ENTPD1: variants seen among roughly 807,000 people sequenced by gnomAD.
The protein encoded by ENTPD1 is ATP diphosphohydrolase.
A neutral mutation model predicts 57.0 loss-of-function variants in ENTPD1; 33 were observed. The ratio of observed to expected loss-of-function variants is 0.58; its 90% confidence interval spans 0.44 to 0.77. ENTPD1 has a LOEUF of 0.77. Among genes scored for constraint, ENTPD1 ranks in the 30% least tolerant of loss-of-function variants. The pLI is 0.00. For synonymous variants in ENTPD1, 202 were observed against 218.8 expected (o/e 0.92, Z 0.68); for missense variants, 501 against 603.4 (o/e 0.83, Z 1.78).
upstream of ENTPD1, among the ~76,000 whole-genome samples, chr10:95,711,004 G>A (rs531654542): frequency 1.3e-5 from 2 of 152,088 alleles, no homozygotes; most frequent in East Asian, 1.9e-4. Flanking sequence ...AACTGCCCTG[G>A]ATCTTTACTG....
At position 95,871,941 on chromosome 10, in the gene ENTPD1, G is replaced by A. The variant is rs1274162165; in HGVS notation, c.*5558G>A. 1.0e-6 allele frequency: 1 copy of A among 985,254 alleles called. No homozygotes were observed. The highest frequency in any genetic ancestry group is 1.7e-5 in the African/African-American group (1 of 57,226). The allele number at this position is 985,254 out of a possible 1,614,324, so 61.0% of individuals were successfully genotyped here. On this transcript the variant is annotated 3_prime_UTR_variant, in exon 10 of 10. Transcript: ENST00000371205. ...GCTAGTCAGGGAATAGTGTGTATTTGCAATTACCTAAACTGAACTCTACCA... is the reference window on the plus strand; with the variant it reads ...GCTAGTCAGGGAATAGTGTGTATTTACAATTACCTAAACTGAACTCTACCA...
intron 1 of ENTPD1, among the ~76,000 whole-genome samples, chr10:95,781,618 C>T (rs1027831314): frequency 1.1e-4 from 17 of 152,098 alleles, no homozygotes; most frequent in African/African-American, 3.9e-4. Flanking sequence ...ATAAAATCAG[C>T]ATAGGGAGCC....
rs532984241 is a variant in ENTPD1 at position 95,837,279 on chromosome 10, T to A, written c.145-2412T>A. ...CACCAGTTTCTGTCGTATGCTGCTGTGGTTGGAACATTTTCTGGCAGGAAG... is the reference window on the plus strand; with the variant it reads ...CACCAGTTTCTGTCGTATGCTGCTGAGGTTGGAACATTTTCTGGCAGGAAG... On this transcript the variant is annotated intron_variant, in intron 2 of 9. Coordinates refer to ENST00000371205, the MANE Select transcript of ENTPD1 (RefSeq NM_001776.6). Among the ~76,000 whole-genome samples the A allele has an allele frequency of 4.6e-5, 7 of 152,358 alleles. No individual in the cohort carries two copies. In the South Asian group the frequency reaches 8.3e-4, roughly 18 times the overall value.
At chr10:95,774,281 G>T (rs539192256) in intron 1 of ENTPD1, among the ~76,000 whole-genome samples, 9 of 152,218 alleles carry the variant, frequency 5.9e-5, no homozygotes, top group Non-Finnish European at 7.4e-5. Context: ...TCTGTAGGTT[G>T]TCTGTTCACT....
chr10:95,823,822 A>G lies in ENTPD1; in HGVS notation c.144+458A>G, dbSNP rs558009471. On this transcript the variant is annotated intron_variant, in intron 2 of 9. Coordinates refer to ENST00000371205, the MANE Select transcript of ENTPD1 (RefSeq NM_001776.6). ...GTATAAAGTACTTTGGAAGTCAGAG[A>G]TTGAGGAGAAGACATGTTTCTTATC... is the stretch of plus-strand genomic sequence containing the variant. 3.9e-5 allele frequency among the ~76,000 whole-genome samples: 6 copies of G among 152,326 alleles called. No homozygotes were observed. The East Asian group carries it at 9.6e-4, about 24-fold the overall frequency.
intron 1 of ENTPD1, among the ~76,000 whole-genome samples, chr10:95,799,377 T>C (rs928339888): frequency 3.9e-5 from 6 of 152,200 alleles, no homozygotes; most frequent in African/African-American, 1.4e-4. Flanking sequence ...CTCTCACTTA[T>C]AAGTGAGAAT....
chr10:95,786,863 C>T (rs1324641637), intron 1 of ENTPD1, among the ~76,000 whole-genome samples: 1 of 152,118 alleles, frequency 6.6e-6, no homozygotes, highest in Non-Finnish European at 1.5e-5. Context: ...CCTTGCAAAC[C>T]ATCACAATCA....
rs1481289069 is a variant in ENTPD1, at chr10:95,826,075, A to G, written c.144+2711A>G. ...TCTGTGTTAGGCACTGGGCTACACA[A>G]TAGGGAAGGCAGTATATAGATATGA... On this transcript the variant is annotated intron_variant, in intron 2 of 9. Coordinates refer to ENST00000371205, the MANE Select transcript of ENTPD1 (RefSeq NM_001776.6). 4.6e-5 allele frequency among the ~76,000 whole-genome samples: 7 copies of G among 152,224 alleles called. No homozygotes were observed. The South Asian group carries it at 1.4e-3, about 31-fold the overall frequency.
intron 1 of ENTPD1, among the ~76,000 whole-genome samples, chr10:95,727,722 T>TAA (rs2097985152): frequency 6.6e-6 from 1 of 152,206 alleles, no homozygotes; most frequent in African/African-American, 2.4e-5. Context: ...TAGCCATGTT[T>TAA]AAAAAAATTT....
At chr10:95,859,161 A>G (rs1331674272) in intron 7 of ENTPD1, among the ~76,000 whole-genome samples, 1 of 152,224 alleles carries the variant, frequency 6.6e-6, no homozygotes, top group Non-Finnish European at 1.5e-5. Context: ...GAATATTGAA[A>G]AATGCAACTT....
chr10:95,757,821 A>C (rs1427351776), intron 1 of ENTPD1, among the ~76,000 whole-genome samples: 1 of 151,792 alleles, frequency 6.6e-6, no homozygotes, highest in African/African-American at 2.4e-5. Flanking sequence ...CCTGGCCAAC[A>C]TGATGAAACC....
At chr10:95,743,178 T>G (rs1209954748) in intron 1 of ENTPD1, among the ~76,000 whole-genome samples, 1 of 152,232 alleles carries the variant, frequency 6.6e-6, no homozygotes, top group Non-Finnish European at 1.5e-5. Flanking sequence ...TTTTGAGAAA[T>G]ACTGGTCAGA....
chr10:95,756,053 C>T (rs2098021927), upstream of ENTPD1: 64 of 1,483,510 alleles, frequency 4.3e-5, 1 homozygote, highest in South Asian at 8.2e-4. Context: ...CCTTTCTAGT[C>T]AATGAAAAAG....
At chr10:95,854,329 CTTT>C (rs917146570) in intron 7 of ENTPD1, among the ~76,000 whole-genome samples, 5 of 152,056 alleles carry the variant, frequency 3.3e-5, no homozygotes, top group Non-Finnish European at 7.4e-5. Flanking sequence ...CTGTTTTCTT[CTTT>C]ATTAGTCTTG....
intron 1 of ENTPD1, among the ~76,000 whole-genome samples, chr10:95,717,137 T>C (rs2097972439): frequency 6.6e-6 from 1 of 152,226 alleles, no homozygotes; most frequent in Non-Finnish European, 1.5e-5. Flanking sequence ...ATAAAGTCTT[T>C]TGTTTATGAT....
chr10:95,796,948 C>T (rs1001628768), intron 1 of ENTPD1, among the ~76,000 whole-genome samples: 19 of 151,732 alleles, frequency 1.3e-4, no homozygotes, highest in African/African-American at 3.6e-4. Context: ...GGTGCACGCC[C>T]GTAGTCCCTA....
chr10:95,845,397 A>G lies in ENTPD1; in HGVS notation c.614A>G (p.Asn205Ser). ...AGCATAGTCCCATATGAAACCAATA[A>G]TCAGGAAACCTTTGGAGCTTTGGAC... Reference protein sequence around the residue: ...WFSIVPYETNNQETFGALDLG... With the variant: ...WFSIVPYETNSQETFGALDLG... Residue 205 changes from asparagine to serine, a missense_variant, in exon 6 of 10, where the codon AAT becomes AGT. Coordinates refer to ENST00000371205, the MANE Select transcript of ENTPD1 (RefSeq NM_001776.6). 5.6e-6 allele frequency: 9 copies of G among 1,614,232 alleles called. No homozygotes were observed. Among genetic ancestry groups the G allele is most frequent in the Non-Finnish European group, 7.6e-6 (9 of 1,180,036 alleles).
chr10:95,747,756 A>G (rs959500554), intron 1 of ENTPD1, among the ~76,000 whole-genome samples: 1 of 152,182 alleles, frequency 6.6e-6, no homozygotes, highest in Non-Finnish European at 1.5e-5. Flanking sequence ...TTGCTGCCTG[A>G]TTATTACACA....
intron 1 of ENTPD1, among the ~76,000 whole-genome samples, chr10:95,729,916 A>G (rs1469878756): frequency 6.6e-6 from 1 of 152,208 alleles, no homozygotes; most frequent in Admixed American, 6.5e-5. Context: ...TAACTTAGTG[A>G]TATCCCGATT....
Sources: allele counts gnomAD v4.1 joint callset (sites outside exome capture counted in the v4.1 genomes callset), GRCh38; gene constraint gnomAD v4.1.1; transcripts MANE v1.5; gene names NCBI Gene and HGNC (gene_info 2026-07-23, HGNC 2026-07-21).